The following PNPLA3 variants were observed in gnomAD, a reference collection of about 807,000 sequenced individuals.
PNPLA3 encodes patatin like domain 3, 1-acylglycerol-3-phosphate O-acyltransferase, also known as 1-acylglycerol-3-phosphate O-acyltransferase PNPLA3.
In PNPLA3, 42 loss-of-function variants were observed where a neutral mutation model predicts 43.1. That is an observed-to-expected ratio of 0.97 (90% CI 0.76 to 1.26). PNPLA3 has a LOEUF of 1.26. Ranked by LOEUF, PNPLA3 falls within the 50% of genes most tolerant of loss-of-function variation. The pLI is 0.00. For missense variants in PNPLA3, 647 were observed against 621.4 expected (o/e 1.04, Z -0.44); for synonymous variants, 272 against 253.6 (o/e 1.07, Z -0.69).
chr22:43,931,107 A>G (rs2049958815), intron 3 of PNPLA3, among the ~76,000 whole-genome samples: 1 of 152,170 alleles, frequency 6.6e-6, no homozygotes, highest in Non-Finnish European at 1.5e-5. Context: ...AGCCTGGGCA[A>G]CAAAGCGAGA....
chr22:43,944,126 G>A (rs1215182978), intron 7 of PNPLA3, among the ~76,000 whole-genome samples: 5 of 152,008 alleles, frequency 3.3e-5, no homozygotes, highest in Non-Finnish European at 5.9e-5. Flanking sequence ...TTCAAAAGCC[G>A]GCTCCTTTCT....
intron 3 of PNPLA3, among the ~76,000 whole-genome samples, chr22:43,931,602 G>C (rs967981169): frequency 6.6e-6 from 1 of 152,060 alleles, no homozygotes; most frequent in African/African-American, 2.4e-5. Flanking sequence ...TGCAACCCTC[G>C]GCTCCTGGGT....
Position 43,937,285 on chromosome 22 carries a change from C to T in PNPLA3, c.979+13C>T, listed in dbSNP as rs377093346. On this transcript the variant is annotated intron_variant, in intron 6 of 8. Coordinates refer to ENST00000216180, the MANE Select transcript of PNPLA3 (RefSeq NM_025225.3). Reference sequence around the variant, plus strand: ...AGGCTCGCTACAGGTACCCACTCCTCGGGGTGAGCACGGGCAGCACCTTGT... The same window carrying T: ...AGGCTCGCTACAGGTACCCACTCCTTGGGGTGAGCACGGGCAGCACCTTGT... The T allele has an allele frequency of 1.5e-4, 240 of 1,610,382 alleles. 1 individual carries two copies. The highest frequency in any genetic ancestry group is 1.8e-4 in the Non-Finnish European group (212 of 1,177,900).
intron 8 of PNPLA3, 99 bp from the exon 9 acceptor site, chr22:43,946,055 G>T (rs1309602579): frequency 9.2e-7 from 1 of 1,081,266 alleles, no homozygotes; most frequent in Non-Finnish European, 1.4e-6. Context: ...AGTGTGTGTG[G>T]TGCCCTCTAC....
At chr22:43,932,757 C>A (rs923062072) in intron 3 of PNPLA3, 121 bp from the exon 4 acceptor site, 3 of 814,468 alleles carry the variant, frequency 3.7e-6, no homozygotes, top group African/African-American at 3.4e-5. Flanking sequence ...CAATGTCCTC[C>A]CTCCATATCA....
chr22:43,923,815 T>G lies in PNPLA3; in HGVS notation c.-97T>G, dbSNP rs1280175292. The G allele has an allele frequency of 8.8e-6, 11 of 1,252,412 alleles. No homozygotes were observed. Among genetic ancestry groups the G allele is most frequent in the Non-Finnish European group, 1.2e-5 (11 of 955,362 alleles). 77.6% of individuals were successfully genotyped at this position (1,252,412 alleles called of 1,614,324 possible). A position where few individuals can be genotyped will look rare whatever the true frequency, so the allele number is the denominator to read the frequency against. ...ACACTGAGGCAGGGTAGAGAGCGCT[T>G]GCGGGCGCCGGGCGGAGCTGCTGCG... On this transcript the variant is annotated 5_prime_UTR_variant, in exon 1 of 9. Transcript: ENST00000216180.
chr22:43,941,478 C>G (rs2050030943), intron 7 of PNPLA3, among the ~76,000 whole-genome samples: 2 of 152,120 alleles, frequency 1.3e-5, no homozygotes, highest in Non-Finnish European at 2.9e-5. Context: ...CTGCAGCTTC[C>G]CGTCTAGAGA....
chr22:43,932,486 A>G (rs1234669403), intron 3 of PNPLA3, among the ~76,000 whole-genome samples: 1 of 151,918 alleles, frequency 6.6e-6, no homozygotes, highest in Non-Finnish European at 1.5e-5. Context: ...TTTCCATCAC[A>G]CTCTGTCCCC....
At chr22:43,944,144 G>A (rs1476225160) in intron 7 of PNPLA3, among the ~76,000 whole-genome samples, 1 of 151,846 alleles carries the variant, frequency 6.6e-6, no homozygotes, top group African/African-American at 2.4e-5. Flanking sequence ...TCTCTCCCTC[G>A]CCTTCCTAGA....
In PNPLA3 at chr22:43,937,115, C is replaced by T. The variant is rs766526185; in HGVS notation, c.822C>T (p.Ala274=). The T allele has an allele frequency of 1.2e-6, 2 of 1,614,172 alleles. No homozygotes were observed. Among genetic ancestry groups the T allele is most frequent in the South Asian group, 1.1e-5 (1 of 91,082 alleles). ...CAGAAGGGATGGATCCTGAGGTCGC[C>T]ATGCCCAGCTGGGCAAACATGAGTC... ...SSSEGMDPEV[A]MPSWANMSLD... Residue 274 remains alanine, a synonymous_variant, in exon 6 of 9, where the codon GCC becomes GCT. Transcript: ENST00000216180.
chr22:43,939,007 C>T (rs2050014211), intron 6 of PNPLA3, among the ~76,000 whole-genome samples: 1 of 152,168 alleles, frequency 6.6e-6, no homozygotes, highest in African/African-American at 2.4e-5. Context: ...CTCACTGGAG[C>T]CTCCATCTCC....
At chr22:43,930,592 C>T (rs1353267332) in intron 3 of PNPLA3, among the ~76,000 whole-genome samples, 2 of 152,156 alleles carry the variant, frequency 1.3e-5, no homozygotes, top group Non-Finnish European at 1.5e-5. Context: ...CCTTCCTGGT[C>T]GAGAGTTTCA....
intron 4 of PNPLA3, among the ~76,000 whole-genome samples, chr22:43,934,246 A>C (rs1455629434): frequency 6.6e-6 from 1 of 150,526 alleles, no homozygotes; most frequent in Non-Finnish European, 1.5e-5. Flanking sequence ...GAACCTCGGA[A>C]GTGGAGGTGG....
At chr22:43,926,723 AC>A (rs1423862163) in intron 1 of PNPLA3, among the ~76,000 whole-genome samples, 1 of 152,260 alleles carries the variant, frequency 6.6e-6, no homozygotes, top group Non-Finnish European at 1.5e-5. Flanking sequence ...GATATTTCAT[AC>A]TAAGCCACTG....
chr22:43,926,545 A>G (rs1446005088), intron 1 of PNPLA3, among the ~76,000 whole-genome samples: 6 of 152,246 alleles, frequency 3.9e-5, no homozygotes, highest in Non-Finnish European at 8.8e-5. Flanking sequence ...TGAGGCCTAC[A>G]GCAGTGCTGT....
chr22:43,926,566 T>C (rs1356022764), intron 1 of PNPLA3, among the ~76,000 whole-genome samples: 1 of 152,202 alleles, frequency 6.6e-6, no homozygotes, highest in East Asian at 1.9e-4. Flanking sequence ...GTGGTAGGAA[T>C]ACACTGGAAG....
In PNPLA3 at chr22:43,946,364, A is replaced by T. The variant is rs1188542235; in HGVS notation, c.1428A>T (p.Ser476=). The change falls in exon 9 of 9, where the codon TCA becomes TCT. Residue 476 remains serine (S), a synonymous_variant. Coordinates refer to ENST00000216180, the MANE Select transcript of PNPLA3 (RefSeq NM_025225.3). ...GGCTCTCCACCTTTCCCAGTTTTTC[A>T]CTAGAGAAGAGTCTGTGAGTCACTT... The part of the protein sequence containing the change: ...AEGLSTFPSF[S]LEKSL 6.2e-7 allele frequency: 1 copy of T among 1,613,996 alleles called. No homozygotes were observed. Among genetic ancestry groups the T allele is most frequent in the Non-Finnish European group, 8.5e-7 (1 of 1,179,980 alleles).
intron 2 of PNPLA3, 64 bp downstream of exon 2, chr22:43,927,231 G>GC (rs1429109179): frequency 8.9e-6 from 13 of 1,464,620 alleles, no homozygotes; most frequent in African/African-American, 1.4e-5. Context: ...GGGTGTGGTG[G>GC]CTCATGCCTG....
chr22:43,941,974 A>G (rs2050033827), intron 7 of PNPLA3, among the ~76,000 whole-genome samples: 1 of 152,170 alleles, frequency 6.6e-6, no homozygotes, highest in Admixed American at 6.5e-5. Context: ...CCTCCTGTGG[A>G]TGTGGCCCTG....
Sources: gnomAD v4.1 joint callset for allele counts (sites outside exome capture counted in the v4.1 genomes callset) on GRCh38, gnomAD v4.1.1 for gene constraint, MANE v1.5 for transcripts, NCBI Gene and HGNC (gene_info 2026-07-23, HGNC 2026-07-21) for gene names.